C14orf39: variants seen among roughly 807,000 people sequenced by gnomAD.
C14orf39 encodes the protein chromosome 14 open reading frame 39.
C14orf39 carries 66 observed loss-of-function variants against 85.6 expected under a neutral mutation model. That is an observed-to-expected ratio of 0.77 (90% confidence interval 0.63 to 0.95). The LOEUF is 0.95. Ranked by LOEUF, C14orf39 falls within the 40% of genes least tolerant of loss-of-function variation. The probability of loss-of-function intolerance (pLI) is 0.00; values close to 1 mark genes in which losing one functional copy is unlikely to be tolerated. For missense variants in C14orf39, 735 were observed against 663.9 expected, an observed-to-expected ratio of 1.11 and a Z score of -1.18; for synonymous variants, 242 against 214.0, an observed-to-expected ratio of 1.13 and a Z score of -1.14.
At chr14:60,507,034 T>A (rs566217814) in intron 1 of C14orf39, among the ~76,000 whole-genome samples, 63 of 152,018 alleles carry the variant, frequency 4.1e-4, no homozygotes, top group African/African-American at 1.5e-3. Flanking sequence ...ATGGACAACC[T>A]CTCCCACCTC....
chr14:60,506,995 C>G (rs1239457530), intron 1 of C14orf39, among the ~76,000 whole-genome samples: 4 of 152,158 alleles, frequency 2.6e-5, no homozygotes, highest in African/African-American at 9.7e-5. Context: ...AGTAAAAGGG[C>G]GAGAGGGAGA....
chr14:60,480,453 A>G (rs1429971036), intron 4 of C14orf39, among the ~76,000 whole-genome samples: 4 of 152,130 alleles, frequency 2.6e-5, no homozygotes, highest in Non-Finnish European at 5.9e-5. Context: ...GTGAATAACA[A>G]CAAGTGTTGG....
At chr14:60,511,629 A>C (rs1056340283) in intron 1 of C14orf39, 3 of 380,388 alleles carry the variant, frequency 7.9e-6, no homozygotes, top group Admixed American at 7.7e-5. Context: ...TTTCGCTTTA[A>C]AGTTTTTTTT....
At chr14:60,439,279 T>C (rs1225158759) in intron 17 of C14orf39, among the ~76,000 whole-genome samples, 1 of 152,134 alleles carries the variant, frequency 6.6e-6, no homozygotes, top group Non-Finnish European at 1.5e-5. Context: ...TGAAGGTAAC[T>C]GATTAGGGCA....
chr14:60,438,599 A>C (rs1244129866), intron 17 of C14orf39, among the ~76,000 whole-genome samples: 1 of 152,094 alleles, frequency 6.6e-6, no homozygotes, highest in East Asian at 1.9e-4. Flanking sequence ...TCCTCAAAAA[A>C]CCTGTGATCT....
At chr14:60,504,396 T>C (rs529116943) in intron 1 of C14orf39, among the ~76,000 whole-genome samples, 16 of 152,334 alleles carry the variant, frequency 1.1e-4, no homozygotes, top group African/African-American at 3.8e-4. Context: ...ATTTGGTGCA[T>C]CCGAGAGGAC....
intron 16 of C14orf39, among the ~76,000 whole-genome samples, chr14:60,447,738 C>G (rs1890840934): frequency 6.6e-6 from 1 of 152,192 alleles, no homozygotes; most frequent in African/African-American, 2.4e-5. Flanking sequence ...ATAGCCAAGA[C>G]AATCTTAAGC....
At chr14:60,506,224 A>G (rs570153015) in intron 1 of C14orf39, among the ~76,000 whole-genome samples, 1 of 152,312 alleles carries the variant, frequency 6.6e-6, no homozygotes, top group Admixed American at 6.5e-5. Flanking sequence ...GCCCAAGGCC[A>G]AGGGCTGCCA....
chr14:60,496,774 C>G (rs1318412253), intron 2 of C14orf39: 1 of 152,950 alleles, frequency 6.5e-6, no homozygotes, highest in Admixed American at 6.5e-5. Flanking sequence ...TCCCCTGCCA[C>G]TGGTGCCACT....
At chr14:60,456,178 G>T (rs1319409726) in intron 15 of C14orf39, among the ~76,000 whole-genome samples, 1 of 152,016 alleles carries the variant, frequency 6.6e-6, no homozygotes, top group Non-Finnish European at 1.5e-5. Flanking sequence ...AAACCTCAGG[G>T]TTGTTAAGGA....
intron 11 of C14orf39, among the ~76,000 whole-genome samples, chr14:60,463,605 A>C (rs559012135): frequency 6.6e-6 from 1 of 152,270 alleles, no homozygotes; most frequent in South Asian, 2.1e-4. Context: ...TATGAATTAT[A>C]CCTCAATGAA....
intron 1 of C14orf39, among the ~76,000 whole-genome samples, chr14:60,499,707 T>C (rs1893113154): frequency 6.6e-6 from 1 of 152,200 alleles, no homozygotes; most frequent in South Asian, 2.1e-4. Context: ...GGTGATTGCC[T>C]GTAGGGCAAT....
Position 60,436,892 on chromosome 14 carries a change from C to G in C14orf39, c.1717G>C (p.Gly573Arg). 2 of 1,611,704 alleles carry G rather than the reference C, an allele frequency of 1.2e-6. No homozygotes were observed. The highest frequency in any genetic ancestry group is 1.7e-6 in the Non-Finnish European group (2 of 1,178,688). The change falls in exon 18 of 18, where the codon GGT (glycine) becomes CGT (arginine). Residue 573 changes from glycine to arginine, a missense_variant. Coordinates refer to ENST00000321731, the MANE Select transcript of C14orf39 (RefSeq NM_174978.3). The part of the protein sequence containing the change: ...QNSIPSSSLK[G>R]FSSSSQNTTQ... ...GTATTTTGTGAGGAAGATGAAAAAC[C>G]TTTTAAAGAAGAAGAAGGTATTGAA...
intron 1 of C14orf39, among the ~76,000 whole-genome samples, chr14:60,507,950 C>T (rs1014260335): frequency 6.6e-6 from 1 of 152,104 alleles, no homozygotes; most frequent in African/African-American, 2.4e-5. Context: ...GTTTCTTTGA[C>T]CCAGGCCTCA....
At chr14:60,475,712 C>A (rs1284787100) in intron 5 of C14orf39, among the ~76,000 whole-genome samples, 2 of 151,988 alleles carry the variant, frequency 1.3e-5, no homozygotes, top group African/African-American at 4.8e-5. Context: ...TGGTCCTTTA[C>A]CAAAAAAGCT....
chr14:60,510,557 T>C (rs10151958), intron 1 of C14orf39, among the ~76,000 whole-genome samples: 114,562 of 143,180 alleles, frequency 0.8, 45,612 homozygotes, highest in Non-Finnish European at 0.88. Flanking sequence ...GGATCTCGAT[T>C]AGCCAAACAT....
chr14:60,463,143 G>A (rs1352737298), intron 11 of C14orf39, among the ~76,000 whole-genome samples: 3 of 152,048 alleles, frequency 2.0e-5, no homozygotes, highest in African/African-American at 7.2e-5. Flanking sequence ...TAACCTGATA[G>A]GTAAAACCAG....
At chr14:60,451,073 T>A (rs946139372) in intron 16 of C14orf39, among the ~76,000 whole-genome samples, 38 of 152,024 alleles carry the variant, frequency 2.5e-4, no homozygotes, top group African/African-American at 9.2e-4. Flanking sequence ...ACTACAAGCA[T>A]CAAGATCATC....
At chr14:60,482,562 A>G (rs1892688010) in intron 4 of C14orf39, among the ~76,000 whole-genome samples, 1 of 152,160 alleles carries the variant, frequency 6.6e-6, no homozygotes, top group Admixed American at 6.5e-5. Flanking sequence ...GCAGTTTGGT[A>G]TTATCGACCC....
Sources: gnomAD v4.1 joint callset for allele counts (sites outside exome capture counted in the v4.1 genomes callset) on GRCh38, gnomAD v4.1.1 for gene constraint, MANE v1.5 for transcripts, NCBI Gene and HGNC (gene_info 2026-07-23, HGNC 2026-07-21) for gene names.